The following LHFPL3 variants were observed in gnomAD, a reference collection of about 807,000 sequenced individuals.
LHFPL3 encodes LHFPL tetraspan subfamily member 3 protein.
LHFPL3 carries 5 observed loss-of-function variants against 19.3 expected under a neutral mutation model. The ratio of observed to expected loss-of-function variants is 0.26; its 90% CI spans 0.14 to 0.54. The LOEUF is 0.54. Ranked by LOEUF, LHFPL3 falls within the 20% of genes least tolerant of loss-of-function variation. The pLI, the probability that LHFPL3 is intolerant of heterozygous loss-of-function variation, is 0.94. For missense variants in LHFPL3, 249 were observed against 307.4 expected (o/e 0.81, Z 1.42); for synonymous variants, 133 against 126.2 (o/e 1.05, Z -0.36).
At chr7:104,702,852 C>A (rs1010702916) in intron 1 of LHFPL3, among the ~76,000 whole-genome samples, 1 of 152,206 alleles carries the variant, frequency 6.6e-6, no homozygotes, top group African/African-American at 2.4e-5. Flanking sequence ...GCTGTGGCCT[C>A]TTCCACATTG....
chr7:104,523,043 C>T (rs1213240710), intron 1 of LHFPL3, among the ~76,000 whole-genome samples: 1 of 151,760 alleles, frequency 6.6e-6, no homozygotes, highest in East Asian at 1.9e-4. Context: ...CACATATGCA[C>T]ATTATATATA....
At chr7:104,472,479 C>T (rs1792930982) in intron 1 of LHFPL3, among the ~76,000 whole-genome samples, 1 of 152,170 alleles carries the variant, frequency 6.6e-6, no homozygotes, top group South Asian at 2.1e-4. Context: ...AAAAACATCA[C>T]ATTTCTACCA....
intron 1 of LHFPL3, among the ~76,000 whole-genome samples, chr7:104,491,054 A>C (rs1192685680): frequency 6.6e-6 from 1 of 152,162 alleles, no homozygotes; most frequent in Non-Finnish European, 1.5e-5. Flanking sequence ...TTACTCCTAG[A>C]AGATCCTGGT....
intron 1 of LHFPL3, among the ~76,000 whole-genome samples, chr7:104,382,972 A>G (rs1790858039): frequency 1.8e-5 from 1 of 55,438 alleles, no homozygotes; most frequent in Admixed American, 1.9e-4. Context: ...AGATAAGTAC[A>G]TTATTTGCCC....
chr7:104,904,466 C>T (rs1233438346), intron 2 of LHFPL3, among the ~76,000 whole-genome samples: 1 of 152,180 alleles, frequency 6.6e-6, no homozygotes, highest in Non-Finnish European at 1.5e-5. Context: ...GCCTGGCCAA[C>T]ATGGCAAAAC....
At chr7:104,536,746 C>A (rs148056117) in intron 1 of LHFPL3, among the ~76,000 whole-genome samples, 2 of 152,270 alleles carry the variant, frequency 1.3e-5, no homozygotes, top group African/African-American at 4.8e-5. Flanking sequence ...CCTCTAGAGC[C>A]TTTTTGTTTG....
At chr7:104,752,952 C>T (rs1441094216) in intron 2 of LHFPL3, 3 of 333,306 alleles carry the variant, frequency 9.0e-6, no homozygotes, top group Non-Finnish European at 1.6e-5. Flanking sequence ...AACTGATGAA[C>T]TGATATTGAC....
intron 1 of LHFPL3, among the ~76,000 whole-genome samples, chr7:104,592,382 A>C (rs1437631438): frequency 1.3e-5 from 2 of 150,304 alleles, no homozygotes; most frequent in African/African-American, 4.9e-5. Context: ...AGTTTGCTGG[A>C]CGTCCACTCC....
chr7:104,510,553 G>T (rs1193740830), intron 1 of LHFPL3, among the ~76,000 whole-genome samples: 1 of 152,118 alleles, frequency 6.6e-6, no homozygotes, highest in African/African-American at 2.4e-5. Flanking sequence ...AACATGGATT[G>T]CAGAGTTAAA....
At chr7:104,339,163 A>G (rs28380446) in intron 1 of LHFPL3, among the ~76,000 whole-genome samples, 58,972 of 151,886 alleles carry the variant, frequency 0.39, 11,836 homozygotes, top group Middle Eastern at 0.52. Flanking sequence ...TAGGAGAATC[A>G]CTTGAACCCA....
chr7:104,608,527 A>T (rs1791150147), intron 1 of LHFPL3, among the ~76,000 whole-genome samples: 1 of 150,300 alleles, frequency 6.7e-6, no homozygotes, highest in South Asian at 2.2e-4. Context: ...GGATAGCATT[A>T]GGAGATATAC....
chr7:104,347,256 G>A (rs1790087895), intron 1 of LHFPL3, among the ~76,000 whole-genome samples: 1 of 150,934 alleles, frequency 6.6e-6, no homozygotes, highest in East Asian at 1.9e-4. Context: ...TTTTAATCTA[G>A]AAAAAAAAAT....
chr7:104,398,615 ATTTT>A (rs1791243252), intron 1 of LHFPL3, among the ~76,000 whole-genome samples: 1 of 152,056 alleles, frequency 6.6e-6, no homozygotes, highest in Admixed American at 6.5e-5. Flanking sequence ...TTCTTATCCT[ATTTT>A]TCAAAAGAAA....
intron 1 of LHFPL3, among the ~76,000 whole-genome samples, chr7:104,608,641 T>TATA (rs575925063): frequency 8.9e-4 from 135 of 151,216 alleles, no homozygotes; most frequent in South Asian, 3.6e-3. Flanking sequence ...AAACTTAAAG[T>TATA]ATAATAATAA....
At chr7:104,677,052 T>C (rs182794482) in intron 1 of LHFPL3, among the ~76,000 whole-genome samples, 4 of 152,266 alleles carry the variant, frequency 2.6e-5, no homozygotes, top group Non-Finnish European at 5.9e-5. Context: ...CATGCAGCAA[T>C]TAAAAACAAT....
At chr7:104,842,177 A>G (rs916735310) in intron 2 of LHFPL3, among the ~76,000 whole-genome samples, 2 of 59,490 alleles carry the variant, frequency 3.4e-5, no homozygotes, top group African/African-American at 4.8e-5. Context: ...ACACACACAC[A>G]ATCCTTTAAA....
Position 104,906,457 on chromosome 7 carries a change from C to T in LHFPL3, c.*242C>T, listed in dbSNP as rs546366637. 1.1e-5 allele frequency: 6 copies of T among 523,326 alleles called. No individual in the cohort carries two copies. The South Asian group carries it at 1.3e-4, about 11-fold the overall frequency. The allele number at this position is 523,326 out of a possible 1,614,324, so 32.4% of individuals were successfully genotyped here. The stretch of plus-strand genomic sequence containing the variant: ...GGATTAAACACCAGCTCATTGGAAA[C>T]TCATTGGATGAGATCAGAAAACGTT... On this transcript the variant is annotated 3_prime_UTR_variant, in exon 3 of 3. Coordinates refer to ENST00000424859, the MANE Select transcript of LHFPL3 (RefSeq NM_199000.3).
intron 2 of LHFPL3, chr7:104,785,499 G>C (rs1002262663): frequency 3.9e-5 from 6 of 152,198 alleles, no homozygotes; most frequent in African/African-American, 7.2e-5. Context: ...CCAGCTGACT[G>C]TCCCATAGGT....
chr7:104,639,031 C>T (rs960950653), intron 1 of LHFPL3, among the ~76,000 whole-genome samples: 10 of 152,028 alleles, frequency 6.6e-5, no homozygotes, highest in Non-Finnish European at 1.5e-4. Context: ...TCCCAAAGTG[C>T]TGGGATTACA....
Sources: allele counts gnomAD v4.1 joint callset (sites outside exome capture counted in the v4.1 genomes callset), GRCh38; gene constraint gnomAD v4.1.1; transcripts MANE v1.5; gene names NCBI Gene and HGNC (gene_info 2026-07-23, HGNC 2026-07-21).